Variants in ECE1 observed in about 807,000 individuals in gnomAD.
ECE1 encodes endothelin converting enzyme 1, also known as endothelin-converting enzyme 1.
A neutral mutation model predicts 98.6 loss-of-function variants in ECE1; 35 were observed. That is an observed-to-expected ratio of 0.35 (90% confidence interval 0.27 to 0.47). ECE1 has a LOEUF of 0.47. ECE1 is among the 20% of genes least tolerant of loss of function. The pLI is 1.00. For missense variants in ECE1, 814 were observed against 1,025.3 expected (o/e 0.79, Z 2.81); for synonymous variants, 394 against 407.1 (o/e 0.97, Z 0.39).
chr1:21,277,993 C>T (rs2098249493), intron 3 of ECE1, among the ~76,000 whole-genome samples: 1 of 152,176 alleles, frequency 6.6e-6, no homozygotes, highest in Admixed American at 6.5e-5. Flanking sequence ...GCAGCGTGGC[C>T]ACCCTCACAG....
At chr1:21,325,503 G>A (rs796508323) in intron 1 of ECE1, among the ~76,000 whole-genome samples, 4 of 152,272 alleles carry the variant, frequency 2.6e-5, no homozygotes, top group African/African-American at 7.2e-5. Flanking sequence ...CTCCCTCCTC[G>A]CTGTCCCTGG....
chr1:21,240,883 C>CCCAT (rs1475219152), intron 10 of ECE1, among the ~76,000 whole-genome samples: 1 of 152,236 alleles, frequency 6.6e-6, no homozygotes, highest in Non-Finnish European at 1.5e-5. Flanking sequence ...TCTGGATAAA[C>CCCAT]CCATTCCTTC....
chr1:21,270,659 C>T (rs2098239169), intron 4 of ECE1, among the ~76,000 whole-genome samples: 2 of 152,202 alleles, frequency 1.3e-5, no homozygotes, highest in Admixed American at 6.5e-5. Flanking sequence ...GGGTGAATAA[C>T]AGTAGCATCA....
intron 12 of ECE1, among the ~76,000 whole-genome samples, chr1:21,236,491 A>C (rs2098188278): frequency 6.6e-6 from 1 of 152,186 alleles, no homozygotes; most frequent in Admixed American, 6.5e-5. Flanking sequence ...CTCTACTAAA[A>C]ATACAAAATT....
In ECE1 at chr1:21,283,115, G is replaced by A. The variant is rs1043483995; in HGVS notation, c.139-3783C>T. ...TGCCACCACACCTGGCTAATTTTTT[G>A]TATTTTTAGTAGAGATGGGGTTTCA... On this transcript the variant is annotated intron_variant, in intron 2 of 18. Coordinates refer to ENST00000374893, the MANE Select transcript of ECE1 (RefSeq NM_001397.3). 1.3e-5 allele frequency among the ~76,000 whole-genome samples: 2 copies of A among 151,098 alleles called. 1 individual carries two copies. The highest frequency in any genetic ancestry group is 1.3e-4 in the Admixed American group (2 of 15,132).
intron 3 of ECE1, among the ~76,000 whole-genome samples, chr1:21,276,643 C>T (rs1468996192): frequency 6.6e-6 from 1 of 151,672 alleles, no homozygotes; most frequent in Non-Finnish European, 1.5e-5. Flanking sequence ...TGTGTCCAGA[C>T]ATTCCCAGAG....
intron 2 of ECE1, among the ~76,000 whole-genome samples, chr1:21,285,422 T>C (rs1229431445): frequency 6.6e-6 from 1 of 152,088 alleles, no homozygotes; most frequent in African/African-American, 2.4e-5. Flanking sequence ...CTTCTCAGAC[T>C]CTCAAACCTC....
At position 21,290,035 on chromosome 1, in the gene ECE1, C is replaced by T; in HGVS notation, c.138+35G>A. ...GCAGCGCGCATGCCCGGGCCCGGGG[C>T]GCCTGGACCTCGGGAGGGAGCGGAG... On this transcript the variant is annotated intron_variant, in intron 2 of 18. Transcript: ENST00000374893. The surrounding 1 kb of genome is among the most constrained non-coding windows in gnomAD (Gnocchi z 7.3). 3 of 1,310,432 alleles carry T rather than the reference C, an allele frequency of 2.3e-6. No homozygotes were observed. Among genetic ancestry groups the T allele is most frequent in the South Asian group, 1.8e-5 (1 of 56,898 alleles). 81.2% of individuals were successfully genotyped at this position (1,310,432 alleles called of 1,614,324 possible).
intron 10 of ECE1, among the ~76,000 whole-genome samples, chr1:21,243,879 G>A (rs2098199762): frequency 1.3e-5 from 2 of 152,244 alleles, no homozygotes; most frequent in African/African-American, 4.8e-5. Context: ...GGTGCCCTTG[G>A]AAGTGCCTCT....
chr1:21,271,487 G>A (rs992373742), intron 4 of ECE1, among the ~76,000 whole-genome samples: 9 of 151,998 alleles, frequency 5.9e-5, no homozygotes, highest in South Asian at 2.1e-4. Flanking sequence ...AGTATTTGTC[G>A]GATCTAGGTT....
In ECE1 at chr1:21,257,791, C is replaced by CT. The variant is rs1457420135; in HGVS notation, c.763-202_763-201insA. ...ATTCCTGCCTGTCCACGTGGCCCCCCCCCGCAGGGCTCCTGGGCTCCTCAG... is the reference window on the plus strand; with the variant it reads ...ATTCCTGCCTGTCCACGTGGCCCCCCTCCCGCAGGGCTCCTGGGCTCCTCAG... On this transcript the variant is annotated intron_variant, in intron 6 of 18. Coordinates refer to ENST00000374893, the MANE Select transcript of ECE1 (RefSeq NM_001397.3). Among the ~76,000 whole-genome samples, 6 of 152,154 alleles carry CT rather than the reference C, an allele frequency of 3.9e-5. No individual in the cohort carries two copies. In the East Asian group the frequency reaches 1.2e-3, roughly 30 times the overall value.
Position 21,345,277 on chromosome 1 carries a change from C to G in ECE1, c.3+99G>C. The G allele has an allele frequency of 8.1e-7, 1 of 1,228,660 alleles. No homozygotes were observed. Among genetic ancestry groups the G allele is most frequent in the South Asian group, 3.0e-5 (1 of 33,730 alleles). 76.1% of individuals were successfully genotyped at this position (1,228,660 alleles called of 1,614,324 possible). ...GCTGCTGCAGCCGGCGCCCAGCCCC[C>G]CGCGAGCCAGGGCGGCCCCGGGTGC... is the stretch of plus-strand genomic sequence containing the variant. On this transcript the variant is annotated intron_variant, in intron 1 of 18. Coordinates refer to the ECE1 transcript ENST00000415912. The surrounding 1 kb of genome is among the most constrained non-coding windows in gnomAD (Gnocchi z 5.1).
At chr1:21,320,303 G>A (rs1638934105) in intron 1 of ECE1, among the ~76,000 whole-genome samples, 1 of 152,180 alleles carries the variant, frequency 6.6e-6, no homozygotes, top group African/African-American at 2.4e-5. Flanking sequence ...TATAAAATGG[G>A]GATGGTGACA....
At chr1:21,228,449 C>T (rs985532781) in intron 14 of ECE1, among the ~76,000 whole-genome samples, 7 of 152,162 alleles carry the variant, frequency 4.6e-5, no homozygotes, top group South Asian at 2.1e-4. Context: ...TCATATCACA[C>T]GGTGGAATAC....
chr1:21,327,762 T>C lies in ECE1; in HGVS notation c.3+17614A>G, dbSNP rs552643423. Among the ~76,000 whole-genome samples, 1 of 152,284 alleles carries C rather than the reference T, an allele frequency of 6.6e-6. No homozygotes were observed. The highest frequency in any genetic ancestry group is 1.5e-5 in the Non-Finnish European group (1 of 68,020). ...CGGGCCTCAGACCAGTACCAGTCCA[T>C]GGCCTGTTAGGAACCGGGCCGCACA... On this transcript the variant is annotated intron_variant, in intron 1 of 18. Coordinates refer to the ECE1 transcript ENST00000415912. The surrounding 1 kb of genome is among the most constrained non-coding windows in gnomAD (Gnocchi z 4.6).
In ECE1 at chr1:21,233,962, A is replaced by G. The variant is rs28368028; in HGVS notation, c.1567-301T>C. On this transcript the variant is annotated intron_variant, in intron 13 of 18. Coordinates refer to ENST00000374893, the MANE Select transcript of ECE1 (RefSeq NM_001397.3). This position sits in a 1 kb window ranked among gnomAD's most constrained non-coding sequence, Gnocchi z 4.0. ...TCTGTGCTCTATGCCTGCGCTGTCC[A>G]GTATGGCAGACTACTAAGCATTTCT... 7.9e-3 allele frequency among the ~76,000 whole-genome samples: 1,202 copies of G among 152,146 alleles called. 17 individuals carry two copies. The highest frequency in any genetic ancestry group is 0.028 in the African/African-American group (1,150 of 41,504).
chr1:21,249,475 C>T (rs997889639), intron 8 of ECE1, among the ~76,000 whole-genome samples: 2 of 151,918 alleles, frequency 1.3e-5, no homozygotes, highest in East Asian at 1.9e-4. Flanking sequence ...GTGGGCAGAT[C>T]GCTTGAGCCC....
intron 4 of ECE1, 128 bp downstream of exon 4, chr1:21,272,571 T>A: frequency 8.8e-7 from 1 of 1,135,732 alleles, no homozygotes; most frequent in Non-Finnish European, 1.3e-6. Context: ...GGATTACAGG[T>A]GTGAGCCACC....
intron 3 of ECE1, among the ~76,000 whole-genome samples, chr1:21,276,660 C>G (rs2098247566): frequency 6.6e-6 from 1 of 151,758 alleles, no homozygotes; most frequent in Non-Finnish European, 1.5e-5. Flanking sequence ...AGAGGCTGGC[C>G]TTCAGAATCA....
Sources: allele counts gnomAD v4.1 joint callset (sites outside exome capture counted in the v4.1 genomes callset), GRCh38; gene constraint gnomAD v4.1.1; non-coding constraint Gnocchi (gnomAD v3.1); transcripts MANE v1.5; gene names NCBI Gene and HGNC (gene_info 2026-07-23, HGNC 2026-07-21).